The following BRINP1 variants were observed in gnomAD, a reference collection of about 807,000 sequenced individuals.
BRINP1 encodes the protein BMP/retinoic acid inducible neural specific 1, also known as BMP/retinoic acid-inducible neural-specific protein 1.
BRINP1 carries 17 observed loss-of-function variants against 72.9 expected under a neutral mutation model. The observed-to-expected ratio is 0.23, with a 90% CI of 0.16 to 0.35. The LOEUF is 0.35. Among genes scored for constraint, BRINP1 ranks in the 10% least tolerant of loss-of-function variants. The pLI, the probability that BRINP1 is intolerant of heterozygous loss-of-function variation, is 1.00. For synonymous variants in BRINP1, 418 were observed against 378.5 expected, an observed-to-expected ratio of 1.10 and a Z score of -1.21; for missense variants, 850 against 1,001.6, an observed-to-expected ratio of 0.85 and a Z score of 2.04.
chr9:119,237,376 T>TA (rs71266584), intron 5 of BRINP1, among the ~76,000 whole-genome samples: 1 of 148,684 alleles, frequency 6.7e-6, no homozygotes, highest in Non-Finnish European at 1.5e-5. Flanking sequence ...TTATTATTAT[T>TA]TTGAGGTGGA....
chr9:119,176,195 T>G (rs1293269484), intron 7 of BRINP1, among the ~76,000 whole-genome samples: 4 of 152,038 alleles, frequency 2.6e-5, no homozygotes, highest in Non-Finnish European at 5.9e-5. Context: ...ACAATCAGAG[T>G]AGTCTCCTGG....
intron 1 of BRINP1, among the ~76,000 whole-genome samples, chr9:119,316,269 G>A (rs1384075369): frequency 2.6e-5 from 4 of 152,108 alleles, no homozygotes; most frequent in African/African-American, 9.7e-5. Flanking sequence ...TGTATATTTA[G>A]TAGAAACAGG....
At chr9:119,348,818 G>C (rs1299314014) in intron 1 of BRINP1, among the ~76,000 whole-genome samples, 1 of 152,114 alleles carries the variant, frequency 6.6e-6, no homozygotes, top group African/African-American at 2.4e-5. Context: ...AGCCAGGCCT[G>C]GTGCATAGCA....
intron 2 of BRINP1, among the ~76,000 whole-genome samples, chr9:119,304,470 A>T (rs1830974481): frequency 6.6e-6 from 1 of 152,242 alleles, no homozygotes; most frequent in Admixed American, 6.5e-5. Flanking sequence ...GGTGGGATGC[A>T]AAGCCTTCCT....
chr9:119,173,035 G>A (rs2118825207), intron 7 of BRINP1, among the ~76,000 whole-genome samples: 2 of 146,778 alleles, frequency 1.4e-5, no homozygotes, highest in South Asian at 2.2e-4. Flanking sequence ...ATACTGAATG[G>A]GCAAAAACTG....
intron 7 of BRINP1, among the ~76,000 whole-genome samples, chr9:119,204,669 T>C (rs2118866621): frequency 6.6e-6 from 1 of 152,300 alleles, no homozygotes; most frequent in East Asian, 1.9e-4. Context: ...TCTTACTCTC[T>C]CCCTTCCTCC....
At chr9:119,353,245 T>C (rs1345953438) in intron 1 of BRINP1, among the ~76,000 whole-genome samples, 3 of 152,216 alleles carry the variant, frequency 2.0e-5, no homozygotes, top group Non-Finnish European at 4.4e-5. Context: ...GATCAAATCA[T>C]TGTGGTGCTC....
chr9:119,279,559 C>G (rs1214700822), intron 2 of BRINP1, among the ~76,000 whole-genome samples: 1 of 152,208 alleles, frequency 6.6e-6, no homozygotes. Flanking sequence ...ACACATGTCT[C>G]AAATGAAACC....
intron 1 of BRINP1, among the ~76,000 whole-genome samples, chr9:119,316,619 C>T (rs561033277): frequency 6.6e-6 from 1 of 152,130 alleles, no homozygotes; most frequent in Admixed American, 6.5e-5. Flanking sequence ...GATCTAAAGC[C>T]TGGATGACAG....
intron 1 of BRINP1, among the ~76,000 whole-genome samples, chr9:119,360,009 C>T (rs140774752): frequency 0.018 from 2,773 of 152,178 alleles, 73 homozygotes; most frequent in African/African-American, 0.049. Flanking sequence ...GAAGAGAGAG[C>T]GGTAAGCAAA....
At chr9:119,174,883 C>T (rs1030759314) in intron 7 of BRINP1, among the ~76,000 whole-genome samples, 86 of 149,554 alleles carry the variant, frequency 5.8e-4, no homozygotes, top group South Asian at 8.5e-4. Flanking sequence ...AACCAAACAC[C>T]GCATATTCTC....
intron 1 of BRINP1, among the ~76,000 whole-genome samples, chr9:119,326,762 G>A (rs1029161623): frequency 1.3e-5 from 2 of 152,152 alleles, no homozygotes; most frequent in Admixed American, 6.6e-5. Flanking sequence ...TCCAGAATGC[G>A]AGATGGACAT....
At chr9:119,199,214 A>C (rs1033165700) in intron 7 of BRINP1, among the ~76,000 whole-genome samples, 2 of 152,168 alleles carry the variant, frequency 1.3e-5, no homozygotes, top group East Asian at 3.9e-4. Flanking sequence ...GTTCAATAAA[A>C]TATAAGAAGC....
At chr9:119,237,371 ATTATT>A (rs1385667761) in intron 5 of BRINP1, among the ~76,000 whole-genome samples, 1 of 143,274 alleles carries the variant, frequency 7.0e-6, no homozygotes, top group Non-Finnish European at 1.5e-5. Context: ...TATTATTATT[ATTATT>A]TTGAGGTGGA....
intron 1 of BRINP1, among the ~76,000 whole-genome samples, chr9:119,354,190 A>C (rs181427295): frequency 2.0e-5 from 3 of 152,256 alleles, no homozygotes; most frequent in Non-Finnish European, 2.9e-5. Flanking sequence ...TGGAAAATAC[A>C]TTTGTCTAGT....
At chr9:119,190,555 A>G (rs1829673347) in intron 7 of BRINP1, among the ~76,000 whole-genome samples, 1 of 151,940 alleles carries the variant, frequency 6.6e-6, no homozygotes, top group African/African-American at 2.4e-5. Context: ...AACCTGGAGG[A>G]AATGGATAAA....
intron 7 of BRINP1, among the ~76,000 whole-genome samples, chr9:119,204,082 C>T (rs1176279443): frequency 2.0e-5 from 3 of 152,148 alleles, no homozygotes; most frequent in African/African-American, 4.8e-5. Flanking sequence ...GTCCAGTCCC[C>T]GTGGAGAGGT....
chr9:119,241,131 A>C (rs768625388), intron 4 of BRINP1, among the ~76,000 whole-genome samples: 1 of 152,172 alleles, frequency 6.6e-6, no homozygotes, highest in Non-Finnish European at 1.5e-5. Context: ...TCTCAATGTG[A>C]CCATTTAATT....
chr9:119,180,268 A>G (rs1010150490), intron 7 of BRINP1, among the ~76,000 whole-genome samples: 1 of 152,166 alleles, frequency 6.6e-6, no homozygotes, highest in Non-Finnish European at 1.5e-5. Context: ...AAAAAAATGA[A>G]ATTGGAGCTC....
Sources: allele counts gnomAD v4.1 joint callset (sites outside exome capture counted in the v4.1 genomes callset), GRCh38; gene constraint gnomAD v4.1.1; transcripts MANE v1.5; gene names NCBI Gene and HGNC (gene_info 2026-07-23, HGNC 2026-07-21).